ANKS1B: variants seen among roughly 807,000 people sequenced by gnomAD.
ANKS1B encodes ankyrin repeat and sterile alpha motif domain containing 1B.
A neutral mutation model predicts 148.3 loss-of-function variants in ANKS1B; 36 were observed. The ratio of observed to expected loss-of-function variants is 0.24; its 90% CI spans 0.19 to 0.32. The LOEUF (loss-of-function observed/expected upper bound fraction) is 0.32, where lower values mean the gene tolerates loss of function less well. Among genes scored for constraint, ANKS1B ranks in the 10% least tolerant of loss-of-function variants. The pLI, the probability that ANKS1B is intolerant of heterozygous loss-of-function variation, is 1.00. For missense variants in ANKS1B, 1,157 were observed against 1,542.6 expected, an observed-to-expected ratio of 0.75 and a Z score of 4.19; for synonymous variants, 542 against 560.8, an observed-to-expected ratio of 0.97 and a Z score of 0.47.
intron 15 of ANKS1B, among the ~76,000 whole-genome samples, chr12:99,151,106 C>G (rs547488173): frequency 6.6e-6 from 1 of 152,110 alleles, no homozygotes; most frequent in East Asian, 1.9e-4. Context: ...AACTGAAAAT[C>G]AAAATGAAAT....
At chr12:99,324,539 A>G (rs1003147712) in intron 12 of ANKS1B, among the ~76,000 whole-genome samples, 1 of 152,138 alleles carries the variant, frequency 6.6e-6, no homozygotes, top group Non-Finnish European at 1.5e-5. Flanking sequence ...AGGTCCTTTC[A>G]AATAGAGTCT....
In ANKS1B at chr12:98,781,169, A is replaced by G; in HGVS notation, c.3389T>C (p.Ile1130Thr). 1 of 1,587,130 alleles carries G rather than the reference A, an allele frequency of 6.3e-7. No individual in the cohort carries two copies. Among genetic ancestry groups the G allele is most frequent in the Admixed American group, 1.8e-5 (1 of 56,226 alleles). ...STEQMKKVPT[I>T]ILSVSYKGVK... ...TCCTTTATATGAGACAGAAAGAATAATAGTAGGGACCTTCTTCATTTGCTC... is the reference window on the plus strand; with the variant it reads ...TCCTTTATATGAGACAGAAAGAATAGTAGTAGGGACCTTCTTCATTTGCTC... Residue 1130 changes from isoleucine to threonine, a missense_variant, in exon 24 of 27, where the codon ATT becomes ACT. Coordinates refer to ENST00000683438, the MANE Select transcript of ANKS1B (RefSeq NM_001352186.2).
At chr12:99,331,259 A>G (rs1257889824) in intron 12 of ANKS1B, among the ~76,000 whole-genome samples, 1 of 151,940 alleles carries the variant, frequency 6.6e-6, no homozygotes, top group Non-Finnish European at 1.5e-5. Context: ...AACGTCCTAA[A>G]AAAAGAAACA....
chr12:99,814,787 G>T (rs758358049), intron 2 of ANKS1B, among the ~76,000 whole-genome samples: 66 of 151,878 alleles, frequency 4.3e-4, no homozygotes, highest in Non-Finnish European at 7.2e-4. Flanking sequence ...ATGAGAAACA[G>T]ATGTAATTGT....
intron 11 of ANKS1B, among the ~76,000 whole-genome samples, chr12:99,420,993 C>T (rs1199445226): frequency 6.6e-6 from 1 of 152,100 alleles, no homozygotes; most frequent in African/African-American, 2.4e-5. Flanking sequence ...ATCCTAATGT[C>T]GGTATTTACA....
chr12:99,002,652 C>T (rs555075687), intron 17 of ANKS1B, among the ~76,000 whole-genome samples: 86 of 152,230 alleles, frequency 5.6e-4, no homozygotes, highest in Non-Finnish European at 9.9e-4. Context: ...GGAAAAATGT[C>T]TTTTCAGGTC....
chr12:99,815,534 G>A (rs1267225712), intron 2 of ANKS1B, among the ~76,000 whole-genome samples: 4 of 150,860 alleles, frequency 2.7e-5, no homozygotes, highest in Non-Finnish European at 3.0e-5. Context: ...GTGGTTTTTG[G>A]TTCCATGGAT....
At chr12:98,756,556 CAAAA>C (rs536086383) in intron 25 of ANKS1B, among the ~76,000 whole-genome samples, 2,144 of 104,552 alleles carry the variant, frequency 0.021, 24 homozygotes, top group African/African-American at 0.032. Context: ...ACTAAAAATA[CAAAA>C]AAAAAAAAAA....
At chr12:99,654,992 G>A (rs1671735028) in intron 9 of ANKS1B, 75 bp downstream of exon 9, 3 of 1,438,644 alleles carry the variant, frequency 2.1e-6, no homozygotes, top group South Asian at 1.5e-5. Flanking sequence ...ATTTTCGAAG[G>A]GGAGGGAGAT....
At chr12:99,764,429 T>G (rs1015856549) in intron 8 of ANKS1B, among the ~76,000 whole-genome samples, 2 of 152,220 alleles carry the variant, frequency 1.3e-5, no homozygotes, top group South Asian at 2.1e-4. Context: ...TCCATTTTAT[T>G]TATTTATTTA....
chr12:99,731,264 G>A (rs530341092), intron 8 of ANKS1B, among the ~76,000 whole-genome samples: 11 of 152,202 alleles, frequency 7.2e-5, no homozygotes, highest in South Asian at 2.1e-4. Flanking sequence ...GATTAGAAGC[G>A]CACGCCACCA....
At chr12:99,919,175 C>G (rs1346598766) in intron 1 of ANKS1B, among the ~76,000 whole-genome samples, 2 of 152,054 alleles carry the variant, frequency 1.3e-5, no homozygotes, top group South Asian at 2.1e-4. Flanking sequence ...GGGCAATTTC[C>G]TAAAAGTGAT....
chr12:99,704,814 C>G (rs2055459808), intron 8 of ANKS1B, among the ~76,000 whole-genome samples: 1 of 151,988 alleles, frequency 6.6e-6, no homozygotes, highest in African/African-American at 2.4e-5. Context: ...TTTCATAAGA[C>G]TTGGTAGGGA....
chr12:99,716,624 G>A (rs745551460), intron 8 of ANKS1B, among the ~76,000 whole-genome samples: 1 of 151,852 alleles, frequency 6.6e-6, no homozygotes, highest in African/African-American at 2.4e-5. Flanking sequence ...TCCATCCTAC[G>A]AGATCTAAAT....
intron 4 of ANKS1B, among the ~76,000 whole-genome samples, chr12:99,794,705 G>T (rs997543650): frequency 6.6e-6 from 1 of 151,858 alleles, no homozygotes. Context: ...GAAGGGTAGT[G>T]GGGGCACAGG....
chr12:99,051,421 A>G (rs2099965984), intron 17 of ANKS1B, among the ~76,000 whole-genome samples: 1 of 152,216 alleles, frequency 6.6e-6, no homozygotes, highest in South Asian at 2.1e-4. Flanking sequence ...AAAATGTTAC[A>G]TAGGGATATT....
chr12:99,166,314 G>T (rs980958113), intron 14 of ANKS1B, among the ~76,000 whole-genome samples: 2 of 151,772 alleles, frequency 1.3e-5, no homozygotes, highest in African/African-American at 4.8e-5. Flanking sequence ...ATATTGGAAA[G>T]GAAGCAGTAG....
At chr12:98,854,236 G>GGTGGTGCGACTCCTA (rs1360076814) in intron 17 of ANKS1B, among the ~76,000 whole-genome samples, 25 of 152,206 alleles carry the variant, frequency 1.6e-4, no homozygotes, top group Non-Finnish European at 3.7e-4. Context: ...CCATTCAGTG[G>GGTGGTGCGACTCCTA]GTGGTGCGAC....
intron 19 of ANKS1B, among the ~76,000 whole-genome samples, chr12:98,811,423 C>T (rs2099094740): frequency 1.3e-5 from 2 of 152,192 alleles, no homozygotes; most frequent in African/African-American, 4.8e-5. Flanking sequence ...CACTCCCCCT[C>T]TCTGCCAGGG....
Sources: allele counts gnomAD v4.1 joint callset (sites outside exome capture counted in the v4.1 genomes callset), GRCh38; gene constraint gnomAD v4.1.1; transcripts MANE v1.5; gene names NCBI Gene and HGNC (gene_info 2026-07-23, HGNC 2026-07-21).